FSHR: variants seen among roughly 807,000 people sequenced by gnomAD.
FSHR encodes the protein follicle stimulating hormone receptor, also known as follicle-stimulating hormone receptor.
A neutral mutation model predicts 52.1 loss-of-function variants in FSHR; 46 were observed. That is an observed-to-expected ratio of 0.88 (90% CI 0.70 to 1.13). FSHR has a LOEUF of 1.13. Ranked by LOEUF, FSHR falls within the 50% of genes most tolerant of loss-of-function variation. FSHR has a pLI of 0.00. For missense variants in FSHR, 964 were observed against 834.6 expected (o/e 1.16, Z -1.91); for synonymous variants, 399 against 309.6 (o/e 1.29, Z -3.03).
intron 6 of FSHR, among the ~76,000 whole-genome samples, chr2:48,985,116 TGATGAC>T (rs1230231733): frequency 2.0e-5 from 3 of 152,030 alleles, no homozygotes; most frequent in African/African-American, 7.3e-5. Context: ...ATGATGACGA[TGATGAC>T]GATGATGACG....
chr2:49,121,362 A>G (rs1671811805), intron 1 of FSHR, among the ~76,000 whole-genome samples: 1 of 152,324 alleles, frequency 6.6e-6, no homozygotes, highest in South Asian at 2.1e-4. Context: ...ACCAAATAAG[A>G]TAATGCCAAA....
intron 1 of FSHR, among the ~76,000 whole-genome samples, chr2:49,086,425 C>T (rs1572724743): frequency 6.6e-6 from 1 of 152,262 alleles, no homozygotes; most frequent in East Asian, 1.9e-4. Context: ...GTCAGTGAGT[C>T]AGAGTCCTTG....
At chr2:49,048,461 G>A (rs1002469131) in intron 2 of FSHR, among the ~76,000 whole-genome samples, 2 of 152,134 alleles carry the variant, frequency 1.3e-5, no homozygotes, top group Admixed American at 6.5e-5. Context: ...TTAGTAGTCA[G>A]CGTGTAGTCA....
chr2:49,014,483 C>G (rs1393050065), intron 4 of FSHR, among the ~76,000 whole-genome samples: 2 of 152,074 alleles, frequency 1.3e-5, no homozygotes, highest in Non-Finnish European at 2.9e-5. Context: ...TCTGTTCTCC[C>G]TCTCTCCCTT....
intron 1 of FSHR, among the ~76,000 whole-genome samples, chr2:49,140,254 G>A (rs1672632007): frequency 6.6e-6 from 1 of 152,150 alleles, no homozygotes; most frequent in African/African-American, 2.4e-5. Flanking sequence ...TAAGTGAGCT[G>A]TTGGCTTGAG....
At chr2:49,137,363 T>C (rs1183104684) in intron 1 of FSHR, among the ~76,000 whole-genome samples, 1 of 152,052 alleles carries the variant, frequency 6.6e-6, no homozygotes, top group African/African-American at 2.4e-5. Context: ...GATGGGAAAG[T>C]ATTACATATT....
intron 2 of FSHR, among the ~76,000 whole-genome samples, chr2:49,039,455 T>C (rs1277460): frequency 0.85 from 129,691 of 152,262 alleles, 55,625 homozygotes; most frequent in African/African-American, 0.94. Context: ...CACAGAGCAG[T>C]ATACAAAGGT....
intron 1 of FSHR, among the ~76,000 whole-genome samples, chr2:49,084,645 A>G (rs1670307589): frequency 1.3e-5 from 2 of 152,238 alleles, no homozygotes; most frequent in African/African-American, 2.4e-5. Context: ...AGACGCAATA[A>G]AAAATGATAA....
At position 49,064,062 on chromosome 2, in the gene FSHR, TTGTG is replaced by T. The variant is rs61681324; in HGVS notation, c.224+4153_224+4156del. On this transcript the variant is annotated intron_variant, in intron 2 of 9. Transcript: ENST00000406846. Reference sequence around the variant, plus strand: ...AAAAAAGTGGTAAGGCATGAAGAGTTTGTGTGTGTGTGTGTGTGTGTGTGTTTGC... The same window carrying T: ...AAAAAAGTGGTAAGGCATGAAGAGTTTGTGTGTGTGTGTGTGTGTGTTTGC... 2.9e-3 allele frequency among the ~76,000 whole-genome samples: 437 copies of T among 148,706 alleles called. 5 individuals carry two copies. The highest frequency in any genetic ancestry group is 9.1e-3 in the African/African-American group (368 of 40,450).
Position 49,071,569 on chromosome 2 carries a change from G to A in FSHR, c.153-3279C>T, listed in dbSNP as rs377730967. 9.2e-5 allele frequency among the ~76,000 whole-genome samples: 14 copies of A among 152,302 alleles called. No homozygotes were observed. In the East Asian group the frequency reaches 2.7e-3, roughly 29 times the overall value. On this transcript the variant is annotated intron_variant, in intron 1 of 9. Transcript: ENST00000406846. ...AAGGCACAAAACACAAGAAGGAATA[G>A]TGAATGAAGAAATTAGTGTTTTGTA... is the stretch of plus-strand genomic sequence containing the variant.
intron 3 of FSHR, 26 bp from the exon 4 acceptor site, chr2:49,017,589 G>A: frequency 6.5e-7 from 1 of 1,538,038 alleles, no homozygotes; most frequent in Non-Finnish European, 9.0e-7. Context: ...AAACATGCTA[G>A]TGATCTTGAT....
At chr2:48,993,725 G>A (rs149861525) in intron 4 of FSHR, among the ~76,000 whole-genome samples, 347 of 152,164 alleles carry the variant, frequency 2.3e-3, no homozygotes, top group Non-Finnish European at 3.8e-3. Flanking sequence ...TCCCCAGTGC[G>A]TTTTAGCCCC....
chr2:49,003,486 G>T (rs1366410623), intron 4 of FSHR, among the ~76,000 whole-genome samples: 1 of 152,152 alleles, frequency 6.6e-6, no homozygotes, highest in African/African-American at 2.4e-5. Flanking sequence ...GGAAGACAAC[G>T]TCCTTCCCAG....
rs112985222 is a variant in FSHR at position 49,090,996 on chromosome 2, A to G, written c.153-22706T>C. Reference sequence around the variant, plus strand: ...CTTTCTGGAGTTTTGAGAATTCTCTATATATACTAGATAGAAGTCCTTTTT... The same window carrying G: ...CTTTCTGGAGTTTTGAGAATTCTCTGTATATACTAGATAGAAGTCCTTTTT... On this transcript the variant is annotated intron_variant, in intron 1 of 9. Coordinates refer to ENST00000406846, the MANE Select transcript of FSHR (RefSeq NM_000145.4). Among the ~76,000 whole-genome samples, 944 of 151,878 alleles carry G rather than the reference A, an allele frequency of 6.2e-3. 15 individuals carry two copies. The highest frequency in any genetic ancestry group is 0.022 in the African/African-American group (899 of 41,374).
chr2:48,998,587 A>G lies in FSHR; in HGVS notation c.375-7950T>C, dbSNP rs116597138. 4.6e-3 allele frequency among the ~76,000 whole-genome samples: 702 copies of G among 152,176 alleles called. 6 individuals carry two copies. Among genetic ancestry groups the G allele is most frequent in the African/African-American group, 0.015 (643 of 41,534 alleles). Reference sequence around the variant, plus strand: ...TTTGACTGACGTTAGGGAAAAAAATATACTAGCTGAATTTTACAACAGTAT... The same window carrying G: ...TTTGACTGACGTTAGGGAAAAAAATGTACTAGCTGAATTTTACAACAGTAT... On this transcript the variant is annotated intron_variant, in intron 4 of 9. Transcript: ENST00000406846.
chr2:49,118,659 A>G (rs1671691055), intron 1 of FSHR, among the ~76,000 whole-genome samples: 1 of 152,210 alleles, frequency 6.6e-6, no homozygotes, highest in African/African-American at 2.4e-5. Context: ...AACTAGACCC[A>G]ATGTGATACT....
chr2:49,049,882 G>A (rs1265715769), intron 2 of FSHR, among the ~76,000 whole-genome samples: 1 of 148,230 alleles, frequency 6.7e-6, no homozygotes, highest in Non-Finnish European at 1.5e-5. Flanking sequence ...AAAGAAAGAA[G>A]CAAAAATTCC....
At chr2:49,046,697 C>G (rs1401678134) in intron 2 of FSHR, among the ~76,000 whole-genome samples, 1 of 152,164 alleles carries the variant, frequency 6.6e-6, no homozygotes, top group Non-Finnish European at 1.5e-5. Flanking sequence ...TAAGTTTCAT[C>G]AAATCATGTC....
At position 48,962,666 on chromosome 2, in the gene FSHR, G is replaced by T; in HGVS notation, c.*67C>A. On this transcript the variant is annotated 3_prime_UTR_variant, in exon 10 of 10. Transcript: ENST00000406846. ...TGTGTAGAAGCACTGTCAGCTCTTTGTGACATACCCTTCAAAGGCAAGACT... is the reference window on the plus strand; with the variant it reads ...TGTGTAGAAGCACTGTCAGCTCTTTTTGACATACCCTTCAAAGGCAAGACT... The T allele has an allele frequency of 2.0e-6, 3 of 1,485,028 alleles. No homozygotes were observed. Among genetic ancestry groups the T allele is most frequent in the South Asian group, 2.3e-5 (2 of 87,822 alleles). The allele number at this position is 1,485,028 out of a possible 1,614,324, so 92.0% of individuals were successfully genotyped here.
Sources: allele counts gnomAD v4.1 joint callset (sites outside exome capture counted in the v4.1 genomes callset), GRCh38; gene constraint gnomAD v4.1.1; transcripts MANE v1.5; gene names NCBI Gene and HGNC (gene_info 2026-07-23, HGNC 2026-07-21).